EYA1: variants seen among roughly 807,000 people sequenced by gnomAD.
The protein encoded by EYA1 is protein phosphatase EYA1.
In EYA1, 16 loss-of-function variants were observed where a neutral mutation model predicts 82.0. That is an observed-to-expected ratio of 0.20 (90% CI 0.13 to 0.30). The LOEUF (loss-of-function observed/expected upper bound fraction) is 0.30, where lower values mean the gene tolerates loss of function less well. Among genes scored for constraint, EYA1 ranks in the 10% least tolerant of loss-of-function variants. The pLI is 1.00. For missense variants in EYA1, 633 were observed against 730.7 expected (o/e 0.87, Z 1.54); for synonymous variants, 261 against 264.4 (o/e 0.99, Z 0.12).
At chr8:71,379,746 C>T (rs1477342240) in intron 2 of EYA1, among the ~76,000 whole-genome samples, 1 of 152,214 alleles carries the variant, frequency 6.6e-6, no homozygotes. Context: ...TCACTTTAAA[C>T]TCCTTCATAG....
At chr8:71,208,875 C>T (rs938495004) in intron 17 of EYA1, among the ~76,000 whole-genome samples, 2 of 152,176 alleles carry the variant, frequency 1.3e-5, no homozygotes, top group Admixed American at 1.3e-4. Flanking sequence ...AAGAATTGTA[C>T]TTATCAGAAA....
At chr8:71,499,121 G>C (rs934374561) in intron 2 of EYA1, among the ~76,000 whole-genome samples, 1 of 152,102 alleles carries the variant, frequency 6.6e-6, no homozygotes, top group Non-Finnish European at 1.5e-5. Flanking sequence ...CTGCTTAGGG[G>C]TTTTCCTCAC....
At position 71,321,789 on chromosome 8, in the gene EYA1, A is replaced by G. The variant is rs777908705; in HGVS notation, c.363T>C (p.Ala121=). 2 of 1,614,128 alleles carry G rather than the reference A, an allele frequency of 1.2e-6. No homozygotes were observed. Reference sequence around the variant, plus strand: ...GCTGTGGGTACGTGGCATAGGCTGTAGCTTGTTGCATTCCTGTGGTAAACT... The same window carrying G: ...GCTGTGGGTACGTGGCATAGGCTGTGGCTTGTTGCATTCCTGTGGTAAACT... ...QTQFTTGMQQ[A]TAYATYPQPG... Residue 121 remains alanine, a synonymous_variant, in exon 6 of 18, where the codon GCT becomes GCC. Transcript: ENST00000340726.
rs1293260837 is a variant in EYA1, at chr8:71,205,868, G to C, written c.1698+5288C>G. On this transcript the variant is annotated intron_variant, in intron 17 of 17. Transcript: ENST00000340726. ...TTGTATTAGATTTTGAAGGACACAG[G>C]AAACTAAGAGAGACAAGCTAAATAG... Among the ~76,000 whole-genome samples, 7 of 152,150 alleles carry C rather than the reference G, an allele frequency of 4.6e-5. No homozygotes were observed. In the East Asian group the frequency reaches 1.3e-3, roughly 29 times the overall value.
chr8:71,494,083 A>T (rs1811233179), intron 2 of EYA1, among the ~76,000 whole-genome samples: 1 of 150,798 alleles, frequency 6.6e-6, no homozygotes, highest in African/African-American at 2.4e-5. Flanking sequence ...GATTAGATTA[A>T]TTATAAGAAT....
chr8:71,271,242 A>G (rs1463207744), intron 10 of EYA1, among the ~76,000 whole-genome samples: 1 of 152,274 alleles, frequency 6.6e-6, no homozygotes, highest in Non-Finnish European at 1.5e-5. Flanking sequence ...ATCATGGAGA[A>G]TGGGGTCTCT....
intron 11 of EYA1, among the ~76,000 whole-genome samples, chr8:71,265,763 G>A (rs1401951400): frequency 6.6e-6 from 1 of 152,152 alleles, no homozygotes; most frequent in Non-Finnish European, 1.5e-5. Flanking sequence ...TAGTTTTAAA[G>A]CAACTTTTAA....
intron 2 of EYA1, among the ~76,000 whole-genome samples, chr8:71,514,815 T>C (rs1314619364): frequency 1.3e-5 from 2 of 152,166 alleles, no homozygotes; most frequent in Non-Finnish European, 2.9e-5. Flanking sequence ...CTATCAATGG[T>C]TATTTCTGAT....
chr8:71,212,319 C>A (rs1367425346), intron 16 of EYA1, among the ~76,000 whole-genome samples: 1 of 152,152 alleles, frequency 6.6e-6, no homozygotes, highest in East Asian at 1.9e-4. Flanking sequence ...TTCAAAGATG[C>A]AATTTAAATG....
intron 2 of EYA1, among the ~76,000 whole-genome samples, chr8:71,398,048 A>G (rs942856372): frequency 2.6e-5 from 4 of 152,002 alleles, no homozygotes; most frequent in Non-Finnish European, 5.9e-5. Flanking sequence ...TTGGTTTTCA[A>G]TCACTGACAC....
At chr8:71,237,461 G>C (rs1338243908) in intron 12 of EYA1, among the ~76,000 whole-genome samples, 1 of 151,994 alleles carries the variant, frequency 6.6e-6, no homozygotes, top group African/African-American at 2.4e-5. Context: ...TTCTTTGATT[G>C]GTTATATTTG....
At chr8:71,254,796 A>G (rs2128922219) in intron 11 of EYA1, among the ~76,000 whole-genome samples, 1 of 152,296 alleles carries the variant, frequency 6.6e-6, no homozygotes, top group South Asian at 2.1e-4. Flanking sequence ...TCTGTTTACA[A>G]TGACATAATT....
rs574295275 is a variant in EYA1 at position 71,416,251 on chromosome 8, A to G, written c.34-59740T>C. Among the ~76,000 whole-genome samples the G allele has an allele frequency of 3.9e-5, 6 of 152,330 alleles. No individual in the cohort carries two copies. The East Asian group carries it at 1.2e-3, about 29-fold the overall frequency. On this transcript the variant is annotated intron_variant, in intron 2 of 18. Transcript: ENST00000643681. ...TCCAGGAATGCAGCTCCTCCTCAGC[A>G]GTCCTTGCTCTGTGACAGCAGTACT...
At chr8:71,541,629 T>C (rs951669494) in intron 1 of EYA1, among the ~76,000 whole-genome samples, 2 of 152,230 alleles carry the variant, frequency 1.3e-5, no homozygotes, top group Non-Finnish European at 2.9e-5. Flanking sequence ...TAAGTGACAA[T>C]TGATTATGAT....
intron 2 of EYA1, among the ~76,000 whole-genome samples, chr8:71,505,783 A>ATGAT (rs1812149221): frequency 6.6e-6 from 1 of 152,088 alleles, no homozygotes; most frequent in Non-Finnish European, 1.5e-5. Context: ...TCCCATTTCT[A>ATGAT]TGATTGATAT....
rs141089418 is a variant in EYA1 at position 71,320,447 on chromosome 8, T to C, written c.418+1287A>G. On this transcript the variant is annotated intron_variant, in intron 6 of 17. Transcript: ENST00000340726. The stretch of plus-strand genomic sequence containing the variant: ...GAATGGGAGCTGATCCTTTTTCTTC[T>C]TGTAGTCCAAGAATAGTTTGAAAGT... Among the ~76,000 whole-genome samples the C allele has an allele frequency of 2.4e-3, 358 of 152,334 alleles. 2 individuals carry two copies. Among genetic ancestry groups the C allele is most frequent in the African/African-American group, 8.2e-3 (339 of 41,580 alleles).
intron 2 of EYA1, among the ~76,000 whole-genome samples, chr8:71,523,177 T>C (rs979669120): frequency 1.6e-4 from 18 of 115,920 alleles, no homozygotes; most frequent in Non-Finnish European, 9.5e-5. Flanking sequence ...TTTTTTCTTT[T>C]TCTTTTTTTT....
intron 1 of EYA1, among the ~76,000 whole-genome samples, chr8:71,545,529 A>G (rs1049525348): frequency 6.1e-5 from 9 of 147,812 alleles, no homozygotes; most frequent in African/African-American, 2.0e-4. Context: ...CTCCACTATT[A>G]GATTTTTTTC....
chr8:71,251,947 G>A (rs1301438477), intron 11 of EYA1, among the ~76,000 whole-genome samples: 2 of 152,046 alleles, frequency 1.3e-5, no homozygotes, highest in African/African-American at 2.4e-5. Flanking sequence ...ATTAAATACA[G>A]TCTCTAGAGA....
Sources: gnomAD v4.1 joint callset for allele counts (sites outside exome capture counted in the v4.1 genomes callset) on GRCh38, gnomAD v4.1.1 for gene constraint, MANE v1.5 for transcripts, NCBI Gene and HGNC (gene_info 2026-07-23, HGNC 2026-07-21) for gene names.